The following SENP6 variants were observed in gnomAD, a reference collection of about 807,000 sequenced individuals.
SENP6 encodes SUMO specific peptidase 6, also known as sentrin-specific protease 6.
In SENP6, 41 loss-of-function variants were observed where a neutral mutation model predicts 134.5. The ratio of observed to expected loss-of-function variants is 0.30; its 90% CI spans 0.24 to 0.40. SENP6 has a LOEUF of 0.40. Ranked by LOEUF, SENP6 falls within the 10% of genes least tolerant of loss-of-function variation. The probability of loss-of-function intolerance (pLI) is 1.00; values close to 1 mark genes in which losing one functional copy is unlikely to be tolerated. For missense variants in SENP6, 1,248 were observed against 1,312.5 expected (o/e 0.95, Z 0.76); for synonymous variants, 395 against 429.8 (o/e 0.92, Z 1.00).
rs1164269206 is a variant in SENP6 at position 75,677,057 on chromosome 6, T to G, written c.1649T>G (p.Ile550Ser). ...TTAGAAGAACAATATATAATTTTAA[T>G]TTTTCAAAATGGCCTTGATCCTCCG... ...TNLEEQYIIL[I>S]FQNGLDPPAN... Residue 550 changes from isoleucine (I) to serine (S), a missense_variant, in exon 14 of 24, where the codon ATT becomes AGT. By Grantham distance (142) the Ile-to-Ser change is moderately radical (BLOSUM62 -2). Transcript: ENST00000447266. 11 of 1,565,062 alleles carry G rather than the reference T, an allele frequency of 7.0e-6. No individual in the cohort carries two copies. The highest frequency in any genetic ancestry group is 7.0e-6 in the Non-Finnish European group (8 of 1,140,624).
chr6:75,617,709 C>T (rs962736654), intron 1 of SENP6, among the ~76,000 whole-genome samples: 13 of 152,214 alleles, frequency 8.5e-5, no homozygotes, highest in Admixed American at 3.9e-4. Flanking sequence ...ACCTGAACTA[C>T]AAACTTTATT....
chr6:75,603,843 C>G (rs117312932), intron 1 of SENP6, among the ~76,000 whole-genome samples: 1,665 of 152,180 alleles, frequency 0.011, 29 homozygotes, highest in Middle Eastern at 0.041. Context: ...TACAAGCCAG[C>G]CTTTATCTAA....
At chr6:75,615,367 A>G (rs1417642704) in intron 1 of SENP6, among the ~76,000 whole-genome samples, 3 of 151,558 alleles carry the variant, frequency 2.0e-5, no homozygotes, top group Non-Finnish European at 2.9e-5. Flanking sequence ...TTTAGTAGAG[A>G]CGGGGTTTCG....
At position 75,716,311 on chromosome 6, in the gene SENP6, A is replaced by G. The variant is rs927657739; in HGVS notation, c.*717A>G. 4 of 151,998 alleles carry G rather than the reference A, an allele frequency of 2.6e-5. No homozygotes were observed. Among genetic ancestry groups the G allele is most frequent in the African/African-American group, 9.6e-5 (4 of 41,456 alleles). 9.4% of individuals were successfully genotyped at this position (151,998 alleles called of 1,614,324 possible). On this transcript the variant is annotated 3_prime_UTR_variant, in exon 24 of 24. Transcript: ENST00000447266. ...GACATCAAAGACTCAGGTTAAAACT[A>G]TTTTGGTAAGTGCAGCTTGAATTTC...
In SENP6 at chr6:75,670,540, T is replaced by C; in HGVS notation, c.1225-13T>C. 6.3e-7 allele frequency: 1 copy of C among 1,588,260 alleles called. No individual in the cohort carries two copies. Among genetic ancestry groups the C allele is most frequent in the East Asian group, 2.2e-5 (1 of 44,532 alleles). On this transcript the variant is annotated splice_polypyrimidine_tract_variant and intron_variant, in intron 10 of 23. Coordinates refer to ENST00000447266, the MANE Select transcript of SENP6 (RefSeq NM_015571.4). Reference sequence around the variant, plus strand: ...AGTAAATTATTAAGTGAACATTTTCTTTTCCTTTTTAGTTTGGCAATTCTA... The same window carrying C: ...AGTAAATTATTAAGTGAACATTTTCCTTTCCTTTTTAGTTTGGCAATTCTA...
At position 75,669,973 on chromosome 6, in the gene SENP6, G is replaced by A. The variant is rs570807330; in HGVS notation, c.1225-580G>A. Among the ~76,000 whole-genome samples the A allele has an allele frequency of 2.0e-5, 3 of 151,622 alleles. No homozygotes were observed. The South Asian group carries it at 6.3e-4, about 32-fold the overall frequency. ...TTTAAGAAGGAATTTCGATCTTGTT[G>A]CCCAGGCTGGAGTGCGGTGGTGCGT... On this transcript the variant is annotated intron_variant, in intron 10 of 23. Coordinates refer to ENST00000447266, the MANE Select transcript of SENP6 (RefSeq NM_015571.4).
rs16886839 is a variant in SENP6 at position 75,714,803 on chromosome 6, G to A, written c.3130-582G>A. ...ATTTCCTAACCTGGAATACTTTTTT[G>A]TTGCTTCTATTATACCTTGTCTGTC... is the stretch of plus-strand genomic sequence containing the variant. On this transcript the variant is annotated intron_variant, in intron 23 of 23. Transcript: ENST00000447266. 2.3e-4 allele frequency among the ~76,000 whole-genome samples: 33 copies of A among 145,264 alleles called. 1 individual carries two copies. The East Asian group carries it at 7.8e-3, about 34-fold the overall frequency.
intron 10 of SENP6, among the ~76,000 whole-genome samples, chr6:75,668,370 C>A (rs908457493): frequency 2.6e-4 from 39 of 151,814 alleles, no homozygotes; most frequent in African/African-American, 9.0e-4. Context: ...TAGGTAGATG[C>A]AAATGGAAAA....
At chr6:75,619,497 TTTTG>T (rs1448982734) in intron 1 of SENP6, among the ~76,000 whole-genome samples, 16 of 151,740 alleles carry the variant, frequency 1.1e-4, no homozygotes, top group Admixed American at 8.5e-4. Flanking sequence ...ACATACTGTA[TTTTG>T]TTTATTAATC....
At chr6:75,652,337 A>G (rs1005951990) in intron 7 of SENP6, among the ~76,000 whole-genome samples, 1 of 151,820 alleles carries the variant, frequency 6.6e-6, no homozygotes, top group Non-Finnish European at 1.5e-5. Flanking sequence ...AAGTTTCTAT[A>G]ATCTTTTTTT....
intron 16 of SENP6, among the ~76,000 whole-genome samples, chr6:75,684,003 A>G (rs1359380051): frequency 1.3e-5 from 2 of 152,110 alleles, no homozygotes; most frequent in African/African-American, 4.8e-5. Flanking sequence ...GGCCATTTTC[A>G]TGATATTGAT....
chr6:75,669,343 G>A (rs940204926), intron 10 of SENP6, among the ~76,000 whole-genome samples: 5 of 152,212 alleles, frequency 3.3e-5, no homozygotes, highest in Admixed American at 2.0e-4. Flanking sequence ...GCGACAGAGC[G>A]AGACTCCATC....
rs557019762 is a variant in SENP6 at position 75,617,761 on chromosome 6, C to T, written c.53-3771C>T. Among the ~76,000 whole-genome samples, 6 of 152,234 alleles carry T rather than the reference C, an allele frequency of 3.9e-5. No individual in the cohort carries two copies. In the South Asian group the frequency reaches 6.2e-4, roughly 16 times the overall value. ...ATTCCATTAACACCCTTTTCATATTCGAGAGTCCAATCCAGGACTTTGGAT... is the reference window on the plus strand; with the variant it reads ...ATTCCATTAACACCCTTTTCATATTTGAGAGTCCAATCCAGGACTTTGGAT... On this transcript the variant is annotated intron_variant, in intron 1 of 23. Transcript: ENST00000447266.
intron 1 of SENP6, among the ~76,000 whole-genome samples, chr6:75,619,107 A>G (rs1489712354): frequency 1.3e-5 from 2 of 151,154 alleles, no homozygotes; most frequent in African/African-American, 4.9e-5. Context: ...TTAAGTGTAT[A>G]TTTATGCAGT....
intron 1 of SENP6, 23 bp from the exon 2 acceptor site, chr6:75,621,509 A>C: frequency 8.4e-5 from 105 of 1,254,786 alleles, no homozygotes; most frequent in Non-Finnish European, 1.2e-4. Context: ...ATGAATACTT[A>C]CTGCAGTTTG....
At chr6:75,616,678 G>A (rs566690354) in intron 1 of SENP6, among the ~76,000 whole-genome samples, 4 of 151,188 alleles carry the variant, frequency 2.6e-5, no homozygotes, top group East Asian at 1.9e-4. Context: ...CCCGGGAGGC[G>A]GAGGTTGCAG....
chr6:75,715,558 AG>A lies in SENP6; in HGVS notation c.3305del (p.Gly1102GlufsTer26). 1 of 1,613,196 alleles carries A rather than the reference AG, an allele frequency of 6.2e-7. No homozygotes were observed. The highest frequency in any genetic ancestry group is 8.5e-7 in the Non-Finnish European group (1 of 1,179,352). On this transcript the variant is annotated frameshift_variant, in exon 24 of 24. Coordinates refer to ENST00000447266, the MANE Select transcript of SENP6 (RefSeq NM_015571.4). LOFTEE classifies it high-confidence loss of function. ...TYSTEAPLGE[G>X]TEQYVNSISD Reference sequence around the variant, plus strand: ...ACTCAACAGAAGCACCTTTAGGCGAAGGAACAGAACAATATGTCAATAGTAT... The same window carrying A: ...ACTCAACAGAAGCACCTTTAGGCGAAGAACAGAACAATATGTCAATAGTAT...
chr6:75,649,806 C>T (rs1770733558), intron 7 of SENP6, among the ~76,000 whole-genome samples: 1 of 152,138 alleles, frequency 6.6e-6, no homozygotes, highest in Non-Finnish European at 1.5e-5. Flanking sequence ...TCAGCCACCG[C>T]GCCTGGCCCT....
chr6:75,622,892 TTTTC>T (rs1357198878), intron 2 of SENP6: 5 of 987,008 alleles, frequency 5.1e-6, no homozygotes, highest in Admixed American at 3.0e-5. Flanking sequence ...TATTTTATGG[TTTTC>T]TTTCTTTCAT....
Sources: allele counts gnomAD v4.1 joint callset (sites outside exome capture counted in the v4.1 genomes callset), GRCh38; gene constraint gnomAD v4.1.1; transcripts MANE v1.5; gene names NCBI Gene and HGNC (gene_info 2026-07-23, HGNC 2026-07-21).